The following SNX29 variants were observed in gnomAD, a reference collection of about 807,000 sequenced individuals.
SNX29 encodes the protein sorting nexin 29.
SNX29 carries 78 observed loss-of-function variants against 102.1 expected under a neutral mutation model. The ratio of observed to expected loss-of-function variants is 0.76; its 90% CI spans 0.64 to 0.92. SNX29 has a LOEUF of 0.92. Among genes scored for constraint, SNX29 ranks in the 40% least tolerant of loss-of-function variants. The probability of loss-of-function intolerance (pLI) is 0.00; values close to 1 mark genes in which losing one functional copy is unlikely to be tolerated. For synonymous variants in SNX29, 580 were observed against 414.5 expected, an observed-to-expected ratio of 1.40 and a Z score of -4.85; for missense variants, 1,280 against 1,061.7, an observed-to-expected ratio of 1.21 and a Z score of -2.86.
At chr16:12,078,231 T>C (rs903820640) in intron 10 of SNX29, among the ~76,000 whole-genome samples, 24 of 151,874 alleles carry the variant, frequency 1.6e-4, no homozygotes, top group African/African-American at 5.8e-4. Context: ...TCCCAGCACT[T>C]TGGGAGGCTG....
intron 19 of SNX29, among the ~76,000 whole-genome samples, chr16:12,503,039 A>C (rs2089199625): frequency 6.6e-6 from 1 of 152,138 alleles, no homozygotes; most frequent in African/African-American, 2.4e-5. Context: ...TTGTGAACTT[A>C]AAAACATCAT....
At chr16:12,430,204 C>T (rs116567775) in intron 18 of SNX29, among the ~76,000 whole-genome samples, 23 of 152,252 alleles carry the variant, frequency 1.5e-4, no homozygotes, top group African/African-American at 4.6e-4. Flanking sequence ...CAGTTCCCCC[C>T]CCAGCCCCAG....
chr16:12,070,503 G>T (rs1464870340), intron 10 of SNX29, among the ~76,000 whole-genome samples: 1 of 151,736 alleles, frequency 6.6e-6, no homozygotes. Context: ...CAAAGGACAT[G>T]AACTCATCAT....
intron 19 of SNX29, among the ~76,000 whole-genome samples, chr16:12,510,361 C>T (rs542314533): frequency 7.9e-4 from 120 of 152,230 alleles, no homozygotes; most frequent in African/African-American, 2.7e-3. Context: ...AGGGACATCT[C>T]AACAGATGAG....
intron 19 of SNX29, among the ~76,000 whole-genome samples, chr16:12,501,202 C>T (rs1029679486): frequency 6.6e-6 from 1 of 152,072 alleles, no homozygotes; most frequent in South Asian, 2.1e-4. Context: ...TCAAAACCAG[C>T]CTGGGCAACA....
At chr16:12,391,525 T>A (rs2083528542) in intron 16 of SNX29, among the ~76,000 whole-genome samples, 1 of 152,178 alleles carries the variant, frequency 6.6e-6, no homozygotes, top group Admixed American at 6.6e-5. Flanking sequence ...TATGAAAGAA[T>A]TTTACAGTGA....
In SNX29 at chr16:12,571,352, C is replaced by A; in HGVS notation, c.*2723C>A. 4.3e-6 allele frequency: 1 copy of A among 231,290 alleles called. No homozygotes were observed. The highest frequency in any genetic ancestry group is 8.6e-6 in the Non-Finnish European group (1 of 116,850). 14.3% of individuals were successfully genotyped at this position (231,290 alleles called of 1,614,324 possible). On this transcript the variant is annotated 3_prime_UTR_variant, in exon 21 of 21. Coordinates refer to ENST00000566228, the MANE Select transcript of SNX29 (RefSeq NM_032167.5). ...GGATTCAATTCTGAGGGCTAAGCCA[C>A]GACCTTATCCATGAGTGGCGAAGAC...
At chr16:12,305,907 A>G (rs777829084) in intron 15 of SNX29, among the ~76,000 whole-genome samples, 10 of 152,178 alleles carry the variant, frequency 6.6e-5, no homozygotes, top group Admixed American at 2.6e-4. Flanking sequence ...TAATATGCCA[A>G]TTCTCCAGCC....
intron 20 of SNX29, among the ~76,000 whole-genome samples, chr16:12,538,738 C>T (rs992909833): frequency 2.0e-5 from 3 of 152,162 alleles, no homozygotes; most frequent in African/African-American, 7.2e-5. Context: ...ACAGGAGAAG[C>T]ACACCCATAT....
chr16:12,475,312 G>T (rs1362471433), intron 18 of SNX29, among the ~76,000 whole-genome samples: 1 of 152,170 alleles, frequency 6.6e-6, no homozygotes, highest in East Asian at 1.9e-4. Flanking sequence ...ATTTGGAAAG[G>T]ACTACCTTCT....
intron 15 of SNX29, among the ~76,000 whole-genome samples, chr16:12,292,509 A>G (rs2079832937): frequency 6.6e-6 from 1 of 152,156 alleles, no homozygotes. Flanking sequence ...CCAGCCAGTC[A>G]TTTCAGACCC....
intron 15 of SNX29, among the ~76,000 whole-genome samples, chr16:12,296,475 G>A (rs975368072): frequency 1.3e-5 from 2 of 152,196 alleles, no homozygotes; most frequent in African/African-American, 4.8e-5. Flanking sequence ...TACTAGGCCA[G>A]CAGACTTTTT....
intron 9 of SNX29, among the ~76,000 whole-genome samples, chr16:12,064,937 C>T (rs907942543): frequency 1.3e-5 from 2 of 152,222 alleles, no homozygotes; most frequent in African/African-American, 4.8e-5. Context: ...GAGGGCTCCT[C>T]ACCTTAGGAG....
At chr16:12,451,046 C>T (rs1360318389) in intron 18 of SNX29, among the ~76,000 whole-genome samples, 1 of 152,116 alleles carries the variant, frequency 6.6e-6, no homozygotes, top group Non-Finnish European at 1.5e-5. Context: ...GCACCTTCTA[C>T]AAGCAAGGGA....
At chr16:12,077,358 A>G (rs955461705) in intron 10 of SNX29, among the ~76,000 whole-genome samples, 3 of 146,926 alleles carry the variant, frequency 2.0e-5, no homozygotes, top group Non-Finnish European at 4.5e-5. Context: ...TATGTTGTTG[A>G]TGTTTTGGTA....
intron 18 of SNX29, among the ~76,000 whole-genome samples, chr16:12,405,273 A>G (rs984363825): frequency 3.3e-5 from 5 of 152,308 alleles, no homozygotes; most frequent in African/African-American, 9.6e-5. Flanking sequence ...TGTTTACCCC[A>G]TGAAGCAACT....
rs1164095487 is a variant in SNX29, at chr16:12,572,764, C to T, written c.*4135C>T. 48 of 1,063,688 alleles carry T rather than the reference C, an allele frequency of 4.5e-5. 1 individual carries two copies. The highest frequency in any genetic ancestry group is 4.2e-4 in the Middle Eastern group (1 of 2,408). The allele number at this position is 1,063,688 out of a possible 1,614,324, so 65.9% of individuals were successfully genotyped here. A position where few individuals can be genotyped will look rare whatever the true frequency, so the allele number is the denominator to read the frequency against. The stretch of plus-strand genomic sequence containing the variant: ...GGCTGGGTTTTCAGCTTCTGGGACC[C>T]GAGGAAGACCCCACCTCACTCCTCC... On this transcript the variant is annotated 3_prime_UTR_variant, in exon 21 of 21. Transcript: ENST00000566228.
intron 13 of SNX29, among the ~76,000 whole-genome samples, chr16:12,165,846 G>A (rs2055996114): frequency 6.6e-6 from 1 of 152,240 alleles, no homozygotes; most frequent in Non-Finnish European, 1.5e-5. Flanking sequence ...TTACTGGCGT[G>A]AGCCACCACA....
chr16:12,341,584 G>C (rs2081611690), intron 15 of SNX29, among the ~76,000 whole-genome samples: 1 of 152,250 alleles, frequency 6.6e-6, no homozygotes, highest in African/African-American at 2.4e-5. Flanking sequence ...GCAACAGTGG[G>C]ACTGTTCTGC....
Sources: gnomAD v4.1 joint callset for allele counts (sites outside exome capture counted in the v4.1 genomes callset) on GRCh38, gnomAD v4.1.1 for gene constraint, MANE v1.5 for transcripts, NCBI Gene and HGNC (gene_info 2026-07-23, HGNC 2026-07-21) for gene names.